The following CNEP1R1 variants were observed in gnomAD, a reference collection of about 807,000 sequenced individuals.
CNEP1R1 encodes the protein CTD nuclear envelope phosphatase 1 regulatory subunit 1.
A neutral mutation model predicts 22.7 loss-of-function variants in CNEP1R1; 10 were observed. The ratio of observed to expected loss-of-function variants is 0.44; its 90% CI spans 0.27 to 0.75. The LOEUF is 0.75. CNEP1R1 is among the 30% of genes least tolerant of loss of function. The pLI, the probability that CNEP1R1 is intolerant of heterozygous loss-of-function variation, is 0.17. For missense variants in CNEP1R1, 73 were observed against 151.5 expected (o/e 0.48, Z 2.72); for synonymous variants, 53 against 50.1 (o/e 1.06, Z -0.25).
chr16:50,026,342 TTTC>T (rs1255103740), intron 1 of CNEP1R1, 51 bp from the exon 2 acceptor site: 4 of 1,275,458 alleles, frequency 3.1e-6, no homozygotes, highest in Non-Finnish European at 4.5e-6. Flanking sequence ...TACTCTGACA[TTTC>T]GTCAGACGAG....
At chr16:50,027,038 A>G (rs1477125) in intron 2 of CNEP1R1, among the ~76,000 whole-genome samples, 118,144 of 152,100 alleles carry the variant, frequency 0.78, 46,136 homozygotes, top group East Asian at 0.9. Context: ...GACATACCTA[A>G]TAAAAATTTC....
chr16:50,033,201 T>C (rs540398931), intron 3 of CNEP1R1, among the ~76,000 whole-genome samples, 196 bp from the exon 4 acceptor site: 3 of 152,354 alleles, frequency 2.0e-5, no homozygotes, highest in African/African-American at 7.2e-5. Context: ...ATATTTATCT[T>C]GCTTTATAGA....
At chr16:50,032,180 G>A (rs779601865) in intron 3 of CNEP1R1, among the ~76,000 whole-genome samples, 14 of 152,228 alleles carry the variant, frequency 9.2e-5, no homozygotes, top group Middle Eastern at 6.9e-3. Flanking sequence ...AGTGGAGTGG[G>A]GATGTGCTTA....
rs17213250 is a variant in CNEP1R1 at position 50,026,246 on chromosome 16, T to C, written c.26-150T>C. 862 of 542,546 alleles carry C rather than the reference T, an allele frequency of 1.6e-3. 3 individuals are homozygous for C. The highest frequency in any genetic ancestry group is 4.6e-3 in the Admixed American group (141 of 30,978). The allele number at this position is 542,546 out of a possible 1,614,324, so 33.6% of individuals were successfully genotyped here. A position where few individuals can be genotyped will look rare whatever the true frequency, so the allele number is the denominator to read the frequency against. On this transcript the variant is annotated intron_variant, in intron 1 of 5. Transcript: ENST00000427478. ...TAAAAAGCTGTCATAGTAAATGAAA[T>C]AAACAGTGCAGTGATACATGGAAGT... is the stretch of plus-strand genomic sequence containing the variant.
intron 3 of CNEP1R1, among the ~76,000 whole-genome samples, 194 bp downstream of exon 3, chr16:50,029,992 G>A (rs1290303329): frequency 6.6e-6 from 1 of 152,080 alleles, no homozygotes; most frequent in Non-Finnish European, 1.5e-5. Context: ...ATGTCTACAG[G>A]GAAAAGGTCT....
At chr16:50,031,041 GTAGT>G (rs565375349) in intron 3 of CNEP1R1, among the ~76,000 whole-genome samples, 2 of 152,124 alleles carry the variant, frequency 1.3e-5, no homozygotes, top group African/African-American at 2.4e-5. Flanking sequence ...TATTAGAGAA[GTAGT>G]TAGTCTCCAA....
At chr16:50,034,065 T>C (rs763584944) in intron 4 of CNEP1R1, 37 bp from the exon 5 acceptor site, 6 of 1,543,788 alleles carry the variant, frequency 3.9e-6, no homozygotes, top group Non-Finnish European at 5.3e-6. Flanking sequence ...AGCATACTCT[T>C]GAAATGAGAA....
intron 3 of CNEP1R1, among the ~76,000 whole-genome samples, chr16:50,033,013 A>G (rs13335269): frequency 0.13 from 20,405 of 152,058 alleles, 1,471 homozygotes; most frequent in African/African-American, 0.2. Flanking sequence ...CTCAAAAAAA[A>G]AAAAAACAGG....
intron 3 of CNEP1R1, among the ~76,000 whole-genome samples, chr16:50,032,347 T>A (rs1031944079): frequency 3.9e-5 from 6 of 152,230 alleles, no homozygotes; most frequent in African/African-American, 1.4e-4. Context: ...CCTCTACATA[T>A]TCTTAGACTT....
intron 1 of CNEP1R1, chr16:50,025,911 G>A: frequency 1.8e-6 from 1 of 564,908 alleles, no homozygotes; most frequent in South Asian, 2.4e-5. Flanking sequence ...GTCTAGTAAG[G>A]CCAGACGGCG....
At chr16:50,033,566 G>T (rs2036249623) in intron 4 of CNEP1R1, 60 bp downstream of exon 4, 5 of 935,598 alleles carry the variant, frequency 5.3e-6, no homozygotes, top group Admixed American at 4.3e-5. Flanking sequence ...CTAGGTAATG[G>T]TTAAAAGCTT....
intron 5 of CNEP1R1, 59 bp downstream of exon 5, chr16:50,034,215 CT>C: frequency 8.1e-7 from 1 of 1,240,764 alleles, no homozygotes; most frequent in Non-Finnish European, 1.2e-6. Context: ...AAATTTTTGG[CT>C]TTAGAAAGGT....
intron 2 of CNEP1R1, among the ~76,000 whole-genome samples, 162 bp from the exon 3 acceptor site, chr16:50,029,563 C>CG (rs2036214694): frequency 6.6e-6 from 1 of 152,170 alleles, no homozygotes; most frequent in African/African-American, 2.4e-5. Flanking sequence ...GAGAATTCCT[C>CG]GAAGCCAGAT....
chr16:50,035,541 T>A lies in CNEP1R1; in HGVS notation c.*83T>A. 9.6e-7 allele frequency: 1 copy of A among 1,043,742 alleles called. No individual in the cohort carries two copies. 64.7% of individuals were successfully genotyped at this position (1,043,742 alleles called of 1,614,324 possible). A position where few individuals can be genotyped will look rare whatever the true frequency, so the allele number is the denominator to read the frequency against. Reference sequence around the variant, plus strand: ...GCAAAAAGCCATAAAGGATTCCTTTTGCGGTTGGATATGTAAAGGTCATAG... The same window carrying A: ...GCAAAAAGCCATAAAGGATTCCTTTAGCGGTTGGATATGTAAAGGTCATAG... On this transcript the variant is annotated 3_prime_UTR_variant, in exon 6 of 6. Coordinates refer to ENST00000427478, the MANE Select transcript of CNEP1R1 (RefSeq NM_001281789.2).
chr16:50,025,557 C>T (rs929285027), intron 1 of CNEP1R1: 16 of 1,308,598 alleles, frequency 1.2e-5, no homozygotes, highest in Middle Eastern at 2.3e-4. Flanking sequence ...GGGTCGACCT[C>T]CTCGCCAGCT....
intron 2 of CNEP1R1, among the ~76,000 whole-genome samples, chr16:50,027,174 C>G (rs1251928856): frequency 6.6e-6 from 1 of 151,848 alleles, no homozygotes; most frequent in Non-Finnish European, 1.5e-5. Flanking sequence ...GAGGCCGAGG[C>G]TGGAGTATTG....
chr16:50,025,788 G>T (rs2036177010), intron 1 of CNEP1R1: 7 of 1,143,082 alleles, frequency 6.1e-6, no homozygotes, highest in Non-Finnish European at 9.2e-6. Flanking sequence ...CAGCTTAGAC[G>T]CCCCTGTCTT....
intron 2 of CNEP1R1, among the ~76,000 whole-genome samples, chr16:50,027,461 T>A (rs1245122460): frequency 6.7e-6 from 1 of 150,294 alleles, no homozygotes; most frequent in Non-Finnish European, 1.5e-5. Context: ...TGAGCCGAGA[T>A]TGCACCACTG....
chr16:50,027,615 TAGTGAGCTA>T (rs1031917374), intron 2 of CNEP1R1, among the ~76,000 whole-genome samples: 3 of 151,626 alleles, frequency 2.0e-5, no homozygotes, highest in African/African-American at 4.8e-5. Context: ...GTGAGCTATG[TAGTGAGCTA>T]AGTGAGCTAT....
Sources: allele counts gnomAD v4.1 joint callset (sites outside exome capture counted in the v4.1 genomes callset), GRCh38; gene constraint gnomAD v4.1.1; transcripts MANE v1.5; gene names NCBI Gene and HGNC (gene_info 2026-07-23, HGNC 2026-07-21).